Variants in PHACTR2 observed in about 807,000 individuals in gnomAD.
The protein encoded by PHACTR2 is phosphatase and actin regulator 2.
In PHACTR2, 30 loss-of-function variants were observed where a neutral mutation model predicts 76.0. The ratio of observed to expected loss-of-function variants is 0.39; its 90% CI spans 0.30 to 0.54. The LOEUF is 0.54. Ranked by LOEUF, PHACTR2 falls within the 20% of genes least tolerant of loss-of-function variation. The pLI is 0.61. For synonymous variants in PHACTR2, 292 were observed against 292.5 expected, an observed-to-expected ratio of 1.00 and a Z score of 0.02; for missense variants, 696 against 781.1, an observed-to-expected ratio of 0.89 and a Z score of 1.30.
intron 11 of PHACTR2, among the ~76,000 whole-genome samples, chr6:143,797,494 A>G (rs546951941): frequency 7.2e-5 from 11 of 152,278 alleles, no homozygotes; most frequent in African/African-American, 2.4e-4. Flanking sequence ...GCCCATGCCT[A>G]TGTCCTGAAT....
chr6:143,775,439 G>A lies in PHACTR2; in HGVS notation c.1589+1224G>A, dbSNP rs565554505. On this transcript the variant is annotated intron_variant, in intron 8 of 12. Coordinates refer to ENST00000440869, the MANE Select transcript of PHACTR2 (RefSeq NM_001100164.2). This position sits in a 1 kb window ranked among gnomAD's most constrained non-coding sequence, Gnocchi z 4.4. Reference sequence around the variant, plus strand: ...GGACTAACGTGATTAATGGTATCGAGCTGGAAAAACCTACAGTTCTAAACT... The same window carrying A: ...GGACTAACGTGATTAATGGTATCGAACTGGAAAAACCTACAGTTCTAAACT... Among the ~76,000 whole-genome samples the A allele has an allele frequency of 7.1e-4, 108 of 152,250 alleles. 1 individual carries two copies. In the Middle Eastern group the frequency reaches 0.014, roughly 19 times the overall value.
intron 2 of PHACTR2, among the ~76,000 whole-genome samples, chr6:143,721,213 A>T (rs1778436425): frequency 6.6e-6 from 1 of 152,092 alleles, no homozygotes; most frequent in Admixed American, 6.6e-5. Flanking sequence ...ATAATGCATT[A>T]TTGCCTCTGT....
intron 1 of PHACTR2, among the ~76,000 whole-genome samples, chr6:143,601,074 G>A (rs913861651): frequency 2.0e-5 from 3 of 152,162 alleles, no homozygotes; most frequent in Non-Finnish European, 2.9e-5. Context: ...AATAATAATA[G>A]TACCAAACTC....
At chr6:143,657,792 T>A (rs1197330041) in intron 1 of PHACTR2, among the ~76,000 whole-genome samples, 2 of 152,174 alleles carry the variant, frequency 1.3e-5, no homozygotes, top group Non-Finnish European at 2.9e-5. Flanking sequence ...TTGCCCCGTG[T>A]TGATCAGGCA....
chr6:143,629,246 G>A (rs1399234557), intron 1 of PHACTR2, among the ~76,000 whole-genome samples: 1 of 152,040 alleles, frequency 6.6e-6, no homozygotes, highest in East Asian at 1.9e-4. Context: ...GGGGGAAAGA[G>A]ATAGACATCT....
chr6:143,586,373 A>T (rs982684293), intron 1 of PHACTR2, among the ~76,000 whole-genome samples: 1 of 152,252 alleles, frequency 6.6e-6, no homozygotes, highest in African/African-American at 2.4e-5. Context: ...GAAATCATAT[A>T]GATAAATCCA....
In PHACTR2 at chr6:143,767,292, T is replaced by A. The variant is rs1779583080; in HGVS notation, c.1232+1494T>A. ...AAGCCAGAATGCATACCCAATTCCA[T>A]GCTCTGAATGAATAATTTCATGTTT... On this transcript the variant is annotated intron_variant, in intron 6 of 12. Coordinates refer to ENST00000440869, the MANE Select transcript of PHACTR2 (RefSeq NM_001100164.2). This position sits in a 1 kb window ranked among gnomAD's most constrained non-coding sequence, Gnocchi z 4.4. 6.6e-6 allele frequency among the ~76,000 whole-genome samples: 1 copy of A among 152,192 alleles called. No homozygotes were observed. Among genetic ancestry groups the A allele is most frequent in the African/African-American group, 2.4e-5 (1 of 41,440 alleles).
intron 2 of PHACTR2, among the ~76,000 whole-genome samples, chr6:143,748,651 TATGTTTTAGA>T (rs1217438105): frequency 1.3e-5 from 2 of 152,248 alleles, no homozygotes; most frequent in Non-Finnish European, 2.9e-5. Context: ...CATAGAATTA[TATGTTTTAGA>T]ATGCAACATT....
At position 143,794,809 on chromosome 6, in the gene PHACTR2, C is replaced by CCAAA. The variant is rs201760591; in HGVS notation, c.1845+5916_1845+5919dup. 4.6e-4 allele frequency among the ~76,000 whole-genome samples: 70 copies of CCAAA among 152,174 alleles called. No homozygotes were observed. Among genetic ancestry groups the CCAAA allele is most frequent in the African/African-American group, 1.6e-3 (67 of 41,538 alleles). ...ACTCCATCTCAAAAACTGAACCAAA[C>CCAAA]CAAACAAACAAACAAACAAAAAATG... On this transcript the variant is annotated intron_variant, in intron 11 of 12. Coordinates refer to ENST00000440869, the MANE Select transcript of PHACTR2 (RefSeq NM_001100164.2). This position sits in a 1 kb window ranked among gnomAD's most constrained non-coding sequence, Gnocchi z 4.1.
At chr6:143,565,773 C>CA (rs985977835) in intron 1 of PHACTR2, among the ~76,000 whole-genome samples, 2 of 152,002 alleles carry the variant, frequency 1.3e-5, no homozygotes, top group Admixed American at 1.3e-4. Flanking sequence ...AGGAGGGCCC[C>CA]AGAATGGAGC....
At position 143,695,372 on chromosome 6, in the gene PHACTR2, A is replaced by G. The variant is rs1421682260; in HGVS notation, c.47-16644A>G. ...CTCAATCTGAGGAAGGTTAAAAGTC[A>G]TAGAATATTGGTGTTCTTCCAAGTT... On this transcript the variant is annotated intron_variant, in intron 1 of 12. Transcript: ENST00000440869. This position sits in a 1 kb window ranked among gnomAD's most constrained non-coding sequence, Gnocchi z 4.4. 3.3e-5 allele frequency among the ~76,000 whole-genome samples: 5 copies of G among 152,254 alleles called. No individual in the cohort carries two copies. The highest frequency in any genetic ancestry group is 7.2e-5 in the African/African-American group (3 of 41,472).
rs1005919947 is a variant in PHACTR2 at position 143,663,324 on chromosome 6, G to A, written c.14-48692G>A. Reference sequence around the variant, plus strand: ...GCAGAGCACTCTCTCAACATGCTGAGTGAAGGCTTGCCCTCCCCGTGGATG... The same window carrying A: ...GCAGAGCACTCTCTCAACATGCTGAATGAAGGCTTGCCCTCCCCGTGGATG... On this transcript the variant is annotated intron_variant, in intron 1 of 11. Transcript: ENST00000305766. This position sits in a 1 kb window ranked among gnomAD's most constrained non-coding sequence, Gnocchi z 4.1. 1.3e-5 allele frequency among the ~76,000 whole-genome samples: 2 copies of A among 152,202 alleles called. No homozygotes were observed. The highest frequency in any genetic ancestry group is 4.8e-5 in the African/African-American group (2 of 41,448).
chr6:143,793,480 C>G lies in PHACTR2; in HGVS notation c.1845+4570C>G, dbSNP rs1775758006. Among the ~76,000 whole-genome samples, 1 of 152,070 alleles carries G rather than the reference C, an allele frequency of 6.6e-6. No individual in the cohort carries two copies. Among genetic ancestry groups the G allele is most frequent in the Non-Finnish European group, 1.5e-5 (1 of 68,022 alleles). ...CCTCACACATGGGCCTCATTTTCTCCCTCTGACAGTATCTCTCACATTTCT... is the reference window on the plus strand; with the variant it reads ...CCTCACACATGGGCCTCATTTTCTCGCTCTGACAGTATCTCTCACATTTCT... On this transcript the variant is annotated intron_variant, in intron 11 of 12. Coordinates refer to ENST00000440869, the MANE Select transcript of PHACTR2 (RefSeq NM_001100164.2). The surrounding 1 kb of genome is among the most constrained non-coding windows in gnomAD (Gnocchi z 4.4).
chr6:143,756,514 T>C (rs1484225869), intron 4 of PHACTR2, among the ~76,000 whole-genome samples: 1 of 140,460 alleles, frequency 7.1e-6, no homozygotes. Flanking sequence ...GCTAACACGG[T>C]GAAACCCCGT....
chr6:143,615,460 T>C (rs1231805785), intron 1 of PHACTR2, among the ~76,000 whole-genome samples: 2 of 152,234 alleles, frequency 1.3e-5, no homozygotes, highest in Admixed American at 6.5e-5. Context: ...TGTCATATGA[T>C]CTTATTATAC....
At chr6:143,632,164 G>T (rs544713122) in intron 1 of PHACTR2, among the ~76,000 whole-genome samples, 3 of 152,158 alleles carry the variant, frequency 2.0e-5, no homozygotes, top group Non-Finnish European at 4.4e-5. Flanking sequence ...TACAAGGAGA[G>T]CCTCAAGCTG....
Position 143,664,498 on chromosome 6 carries a change from A to ATT in PHACTR2, c.14-47517_14-47516dup. On this transcript the variant is annotated intron_variant, in intron 1 of 11. Transcript: ENST00000305766. This position sits in a 1 kb window ranked among gnomAD's most constrained non-coding sequence, Gnocchi z 5.1. Reference sequence around the variant, plus strand: ...TTTCTTTCATTTTCTCATTATTTGGATTAGTGAAGCTTTCTTTAATCCCCT... The same window carrying ATT: ...TTTCTTTCATTTTCTCATTATTTGGATTTTAGTGAAGCTTTCTTTAATCCCCT... 6.6e-6 allele frequency among the ~76,000 whole-genome samples: 1 copy of ATT among 152,054 alleles called. No homozygotes were observed. The highest frequency in any genetic ancestry group is 2.1e-4 in the South Asian group (1 of 4,818).
At chr6:143,544,780 A>G (rs1039967857) in intron 1 of PHACTR2, among the ~76,000 whole-genome samples, 2 of 152,246 alleles carry the variant, frequency 1.3e-5, no homozygotes, top group African/African-American at 4.8e-5. Context: ...CTAGGTGCTC[A>G]GTAGATACTT....
chr6:143,753,626 C>T lies in PHACTR2; in HGVS notation c.296-128C>T, dbSNP rs566043905. On this transcript the variant is annotated intron_variant, in intron 3 of 12. Transcript: ENST00000440869. This position sits in a 1 kb window ranked among gnomAD's most constrained non-coding sequence, Gnocchi z 4.6. ...TTTTGTTTTGAATAAACCGGTGAAA[C>T]AGTGCAGGGTGTATTTGGTTCCCAG... 6.8e-6 allele frequency: 4 copies of T among 589,856 alleles called. No individual in the cohort carries two copies. Among genetic ancestry groups the T allele is most frequent in the African/African-American group, 3.8e-5 (2 of 52,754 alleles). 36.5% of individuals were successfully genotyped at this position (589,856 alleles called of 1,614,324 possible). A position where few individuals can be genotyped will look rare whatever the true frequency, so the allele number is the denominator to read the frequency against.
Sources: gnomAD v4.1 joint callset for allele counts (sites outside exome capture counted in the v4.1 genomes callset) on GRCh38, gnomAD v4.1.1 for gene constraint, Gnocchi (gnomAD v3.1) non-coding constraint, MANE v1.5 for transcripts, NCBI Gene and HGNC (gene_info 2026-07-23, HGNC 2026-07-21) for gene names.